Variants in LRMDA observed in about 807,000 individuals in gnomAD.
The protein encoded by LRMDA is leucine-rich melanocyte differentiation-associated protein.
A neutral mutation model predicts 29.8 loss-of-function variants in LRMDA; 18 were observed. The observed-to-expected ratio is 0.60, with a 90% CI of 0.42 to 0.90. LRMDA has a LOEUF of 0.90. Ranked by LOEUF, LRMDA falls within the 40% of genes least tolerant of loss-of-function variation. The pLI is 0.00. For synonymous variants in LRMDA, 125 were observed against 109.4 expected (o/e 1.14, Z -0.89); for missense variants, 273 against 273.9 (o/e 1.00, Z 0.02).
At chr10:76,360,528 AG>A (rs1192220330) in intron 6 of LRMDA, among the ~76,000 whole-genome samples, 1 of 152,172 alleles carries the variant, frequency 6.6e-6, no homozygotes, top group Non-Finnish European at 1.5e-5. Context: ...CCTACATAAA[AG>A]GCAAAGCACA....
intron 6 of LRMDA, among the ~76,000 whole-genome samples, chr10:76,477,540 G>A (rs1842688174): frequency 6.6e-6 from 1 of 151,842 alleles, no homozygotes; most frequent in African/African-American, 2.4e-5. Context: ...TCACAGAATT[G>A]GAAAAAACTA....
chr10:75,577,437 G>A (rs779365409), intron 2 of LRMDA, among the ~76,000 whole-genome samples: 41 of 152,206 alleles, frequency 2.7e-4, no homozygotes, highest in Non-Finnish European at 8.8e-5. Context: ...AAGTAACGGG[G>A]AGGATGGAAC....
chr10:75,496,468 C>T (rs184221667), intron 2 of LRMDA, among the ~76,000 whole-genome samples: 6 of 152,264 alleles, frequency 3.9e-5, no homozygotes, highest in South Asian at 2.1e-4. Context: ...GTAAATGTTT[C>T]GTTTGTTTTA....
intron 6 of LRMDA, among the ~76,000 whole-genome samples, chr10:76,504,938 A>C (rs1236394519): frequency 6.6e-6 from 1 of 151,984 alleles, no homozygotes; most frequent in African/African-American, 2.4e-5. Context: ...AGCAGGTATC[A>C]TTCTTTTGTT....
chr10:75,627,837 T>A (rs1303683221), intron 2 of LRMDA, among the ~76,000 whole-genome samples: 1 of 152,236 alleles, frequency 6.6e-6, no homozygotes, highest in Admixed American at 6.5e-5. Context: ...ATATGTAGAC[T>A]CTTCATGTAG....
chr10:76,408,091 C>G (rs766579334), intron 6 of LRMDA, among the ~76,000 whole-genome samples: 4 of 152,266 alleles, frequency 2.6e-5, no homozygotes, highest in Non-Finnish European at 4.4e-5. Context: ...TATTCAGCAC[C>G]TGTAAGGATC....
intron 2 of LRMDA, among the ~76,000 whole-genome samples, chr10:75,874,737 C>G (rs1039391261): frequency 6.6e-6 from 1 of 152,162 alleles, no homozygotes; most frequent in African/African-American, 2.4e-5. Context: ...AAGATCAAAG[C>G]CACCCAGTGA....
intron 2 of LRMDA, among the ~76,000 whole-genome samples, chr10:75,890,063 G>C (rs574143518): frequency 2.6e-5 from 4 of 152,276 alleles, no homozygotes; most frequent in Admixed American, 2.0e-4. Context: ...ATGCAACCCA[G>C]CTCAGGCCCA....
chr10:76,173,818 A>T (rs921951164), intron 5 of LRMDA, among the ~76,000 whole-genome samples: 9 of 152,040 alleles, frequency 5.9e-5, no homozygotes, highest in Admixed American at 1.3e-4. Flanking sequence ...GTGCCACCAC[A>T]CTTGGCTAAC....
rs539253780 is a variant in LRMDA, at chr10:75,863,946, GGATTTGAAGCTTTGCC to G, written c.132-172061_132-172046del. Among the ~76,000 whole-genome samples, 439 of 152,200 alleles carry G rather than the reference GGATTTGAAGCTTTGCC, an allele frequency of 2.9e-3. 2 individuals carry two copies. The highest frequency in any genetic ancestry group is 0.01 in the African/African-American group (422 of 41,518). On this transcript the variant is annotated intron_variant, in intron 2 of 6. Coordinates refer to ENST00000611255, the MANE Select transcript of LRMDA (RefSeq NM_001305581.2). ...GGGCCTGCCATTAGCTAGCTTCTAAGGATTTGAAGCTTTGCCTCAGTCTTCTCATCTATCATGTGGG... is the reference window on the plus strand; with the variant it reads ...GGGCCTGCCATTAGCTAGCTTCTAAGTCAGTCTTCTCATCTATCATGTGGG...
chr10:75,983,918 G>A (rs6480798), intron 2 of LRMDA, among the ~76,000 whole-genome samples: 3 of 152,106 alleles, frequency 2.0e-5, no homozygotes, highest in African/African-American at 7.2e-5. Context: ...GCCTCCCAAA[G>A]TGCTGGGATT....
chr10:76,132,045 C>T (rs1850003088), intron 5 of LRMDA, among the ~76,000 whole-genome samples: 1 of 152,204 alleles, frequency 6.6e-6, no homozygotes, highest in East Asian at 1.9e-4. Context: ...ATGCACCATT[C>T]AGTGTGATCA....
intron 6 of LRMDA, among the ~76,000 whole-genome samples, chr10:76,359,001 C>T (rs1283469744): frequency 1.3e-5 from 2 of 152,176 alleles, no homozygotes; most frequent in Admixed American, 6.5e-5. Context: ...CGGCAAGGGA[C>T]AGCATTCCTC....
chr10:76,266,040 C>A (rs1840002862), intron 5 of LRMDA, among the ~76,000 whole-genome samples: 1 of 152,106 alleles, frequency 6.6e-6, no homozygotes. Flanking sequence ...CCCTTAATCC[C>A]TACATGATCT....
chr10:76,233,599 T>C (rs1589386879), intron 5 of LRMDA, among the ~76,000 whole-genome samples: 1 of 152,358 alleles, frequency 6.6e-6, no homozygotes, highest in East Asian at 1.9e-4. Context: ...GTAAATCCTC[T>C]CAAACCCTGC....
At chr10:75,654,963 T>C (rs1191839745) in intron 2 of LRMDA, among the ~76,000 whole-genome samples, 2 of 152,384 alleles carry the variant, frequency 1.3e-5, no homozygotes, top group Admixed American at 6.5e-5. Flanking sequence ...TTTTGACTTA[T>C]TGCATAAAAA....
chr10:75,880,676 C>A (rs1023196734), intron 2 of LRMDA, among the ~76,000 whole-genome samples: 1 of 152,198 alleles, frequency 6.6e-6, no homozygotes, highest in Non-Finnish European at 1.5e-5. Flanking sequence ...GGGCAACCCA[C>A]TCATTTGGTC....
intron 5 of LRMDA, among the ~76,000 whole-genome samples, chr10:76,089,140 A>G (rs1282084805): frequency 2.0e-5 from 3 of 152,236 alleles, no homozygotes; most frequent in Non-Finnish European, 4.4e-5. Flanking sequence ...TGATGCAAAC[A>G]CTGGCCATTG....
intron 6 of LRMDA, among the ~76,000 whole-genome samples, chr10:76,344,974 TAAAA>T (rs1033479122): frequency 7.0e-6 from 1 of 142,068 alleles, no homozygotes; most frequent in African/African-American, 2.6e-5. Flanking sequence ...AACCCAGATA[TAAAA>T]AGCAAAAATG....
Sources: gnomAD v4.1 joint callset for allele counts (sites outside exome capture counted in the v4.1 genomes callset) on GRCh38, gnomAD v4.1.1 for gene constraint, MANE v1.5 for transcripts, NCBI Gene and HGNC (gene_info 2026-07-23, HGNC 2026-07-21) for gene names.